DYNC2I2: variants seen among roughly 807,000 people sequenced by gnomAD.
DYNC2I2 encodes the protein dynein 2 intermediate chain 2, also known as cytoplasmic dynein 2 intermediate chain 2.
In DYNC2I2, 39 loss-of-function variants were observed where a neutral mutation model predicts 52.0. That is an observed-to-expected ratio of 0.75 (90% confidence interval 0.58 to 0.98). The LOEUF (loss-of-function observed/expected upper bound fraction) is 0.98, where lower values mean the gene tolerates loss of function less well. Among genes scored for constraint, DYNC2I2 ranks in the 50% least tolerant of loss-of-function variants. The pLI is 0.00. For missense variants in DYNC2I2, 743 were observed against 728.4 expected (o/e 1.02, Z -0.23); for synonymous variants, 359 against 321.1 (o/e 1.12, Z -1.26).
Position 128,633,890 on chromosome 9 carries a change from C to G in DYNC2I2, c.1465G>C (p.Glu489Gln). 1.2e-6 allele frequency: 2 copies of G among 1,613,430 alleles called. No homozygotes were observed. Among genetic ancestry groups the G allele is most frequent in the Non-Finnish European group, 1.7e-6 (2 of 1,180,050 alleles). Residue 489 changes from glutamate (E) to glutamine (Q), a missense_variant, in exon 9 of 9, where the codon GAG becomes CAG. Transcript: ENST00000372715. Reference sequence around the variant, plus strand: ...AGCTGAGTCTGCTGGCTGTTGAACTCCAGACAGTAGACAGGGCTTTCATCC... The same window carrying G: ...AGCTGAGTCTGCTGGCTGTTGAACTGCAGACAGTAGACAGGGCTTTCATCC... ...TQDESPVYCL[E>Q]FNSQQTQLLA... is the part of the protein sequence containing the mutation.
At chr9:128,641,274 C>T (rs1044265734) in intron 1 of DYNC2I2, among the ~76,000 whole-genome samples, 11 of 152,048 alleles carry the variant, frequency 7.2e-5, no homozygotes, top group African/African-American at 2.4e-4. Context: ...TCTGAAGATG[C>T]GGAGGGCAGG....
At chr9:128,669,529 C>A in the DYNC2I2 span, among the ~76,000 whole-genome samples, 1 of 152,156 alleles carries the variant, frequency 6.6e-6, no homozygotes, top group East Asian at 1.9e-4. Context: ...GAAACCCTGT[C>A]TCTACTAAAA....
intron 1 of DYNC2I2, among the ~76,000 whole-genome samples, chr9:128,652,527 G>A (rs576705546): frequency 4.0e-5 from 6 of 150,844 alleles, no homozygotes; most frequent in East Asian, 1.9e-4. Context: ...GGAGGCTGAC[G>A]GAGGAAAATC....
rs12380424 is a variant in DYNC2I2, at chr9:128,640,942, G to C, written c.187-3C>G. The C allele has an allele frequency of 4.4e-6, 7 of 1,578,824 alleles. No individual in the cohort carries two copies. ...ATGCTGGCCGTCTGGCAACTTTTCT[G>C]GGGGGAGGGTGAAAACAAGTGTCAC... On this transcript the variant is annotated splice_region_variant and splice_polypyrimidine_tract_variant and intron_variant, in intron 1 of 8. Transcript: ENST00000372715.
At chr9:128,642,453 CAAAAAAAAAA>C (rs34018869) in intron 1 of DYNC2I2, among the ~76,000 whole-genome samples, 19 of 78,452 alleles carry the variant, frequency 2.4e-4, no homozygotes, top group Admixed American at 5.9e-4. Context: ...GAGACTTTCT[CAAAAAAAAAA>C]AAAAAAAAAA....
At chr9:128,652,420 G>A (rs1360077650) in intron 1 of DYNC2I2, among the ~76,000 whole-genome samples, 3 of 110,844 alleles carry the variant, frequency 2.7e-5, no homozygotes, top group Admixed American at 1.1e-4. Context: ...GAACAAGAGC[G>A]AAACTTCATC....
upstream of DYNC2I2, among the ~76,000 whole-genome samples, chr9:128,660,665 G>T (rs1009322697): frequency 1.3e-5 from 2 of 150,574 alleles, no homozygotes; most frequent in Non-Finnish European, 3.0e-5. Context: ...AAAGTACTGG[G>T]ATTATAGGCA....
the DYNC2I2 span, among the ~76,000 whole-genome samples, chr9:128,678,448 A>T: frequency 3.4e-4 from 21 of 61,364 alleles, no homozygotes; most frequent in South Asian, 1.1e-3. Flanking sequence ...ACCACAGGTA[A>T]TTTTTTTTTT....
At chr9:128,636,748 T>C (rs530841303) in intron 3 of DYNC2I2, among the ~76,000 whole-genome samples, 170 bp downstream of exon 3, 2 of 152,264 alleles carry the variant, frequency 1.3e-5, no homozygotes, top group Non-Finnish European at 2.9e-5. Context: ...TCAGCCCCAC[T>C]GCCTGCTCTT....
chr9:128,674,260 G>A, the DYNC2I2 span, among the ~76,000 whole-genome samples: 13 of 151,688 alleles, frequency 8.6e-5, no homozygotes, highest in East Asian at 2.0e-3. Context: ...TCAGCCTCCC[G>A]AGTCACTGGG....
chr9:128,662,794 C>G, the DYNC2I2 span, among the ~76,000 whole-genome samples: 1 of 152,152 alleles, frequency 6.6e-6, no homozygotes, highest in Admixed American at 6.6e-5. Flanking sequence ...GAGCTCCTGA[C>G]CTCGGGTGAT....
At chr9:128,647,420 A>G (rs1353118357) in intron 1 of DYNC2I2, among the ~76,000 whole-genome samples, 1 of 152,116 alleles carries the variant, frequency 6.6e-6, no homozygotes, top group African/African-American at 2.4e-5. Flanking sequence ...CTAGGCCCAG[A>G]GCCAGCCTCC....
upstream of DYNC2I2, among the ~76,000 whole-genome samples, chr9:128,661,844 C>T (rs1428270897): frequency 6.6e-6 from 1 of 151,930 alleles, no homozygotes; most frequent in Non-Finnish European, 1.5e-5. Context: ...GAGTTGGAGA[C>T]CAGCCTAGCC....
At chr9:128,654,647 T>C (rs1170522368) in intron 1 of DYNC2I2, among the ~76,000 whole-genome samples, 1 of 152,072 alleles carries the variant, frequency 6.6e-6, no homozygotes, top group Non-Finnish European at 1.5e-5. Context: ...AGCCTCCAAC[T>C]CCTGGGCTCA....
chr9:128,663,802 G>A, the DYNC2I2 span, among the ~76,000 whole-genome samples: 6 of 151,284 alleles, frequency 4.0e-5, no homozygotes, highest in South Asian at 2.1e-4. Context: ...ACAGGTACAC[G>A]CCATCATGCC....
rs1860397243 is a variant in DYNC2I2, at chr9:128,635,765, C to G, written c.706G>C (p.Gly236Arg). 1 of 1,611,256 alleles carries G rather than the reference C, an allele frequency of 6.2e-7. No homozygotes were observed. The highest frequency in any genetic ancestry group is 1.3e-5 in the African/African-American group (1 of 74,952). The change falls in exon 5 of 9, where the codon GGG (glycine) becomes CGG (arginine). Residue 236 changes from glycine to arginine, a missense_variant and splice_region_variant. Gly to Arg is a moderately radical substitution (Grantham distance 125, BLOSUM62 -2). Coordinates refer to ENST00000372715, the MANE Select transcript of DYNC2I2 (RefSeq NM_052844.4). ...ACCAACACCTCACCACTGTACAGCC[C>G]TCCTGCAGGGACAGTGGACCTGGGC... ...HPTQPSHVAG[G>R]LYSGEVLVWD...
chr9:128,642,614 CA>C (rs984581277), intron 1 of DYNC2I2, among the ~76,000 whole-genome samples: 13 of 151,380 alleles, frequency 8.6e-5, no homozygotes, highest in East Asian at 7.8e-4. Context: ...ACTAAAAATA[CA>C]AAAAAATTAG....
At chr9:128,675,013 A>C in the DYNC2I2 span, among the ~76,000 whole-genome samples, 1 of 152,128 alleles carries the variant, frequency 6.6e-6, no homozygotes, top group Non-Finnish European at 1.5e-5. Context: ...GGGGTCTCAG[A>C]GACCAGCCTT....
At chr9:128,669,087 C>T in the DYNC2I2 span, among the ~76,000 whole-genome samples, 3 of 151,802 alleles carry the variant, frequency 2.0e-5, no homozygotes, top group Non-Finnish European at 4.4e-5. Flanking sequence ...ATAATTGGGC[C>T]GGGTGTGGTG....
Sources: gnomAD v4.1 joint callset for allele counts (sites outside exome capture counted in the v4.1 genomes callset) on GRCh38, gnomAD v4.1.1 for gene constraint, MANE v1.5 for transcripts, NCBI Gene and HGNC (gene_info 2026-07-23, HGNC 2026-07-21) for gene names.